Variants in PTPRT observed in about 807,000 individuals in gnomAD.
PTPRT encodes receptor-type tyrosine-protein phosphatase T.
PTPRT carries 56 observed loss-of-function variants against 176.8 expected under a neutral mutation model. That is an observed-to-expected ratio of 0.32 (90% CI 0.26 to 0.40). The LOEUF (loss-of-function observed/expected upper bound fraction) is 0.40. PTPRT is among the 10% of genes least tolerant of loss of function. PTPRT has a pLI of 1.00. For synonymous variants in PTPRT, 783 were observed against 739.0 expected, an observed-to-expected ratio of 1.06 and a Z score of -0.96; for missense variants, 1,540 against 1,908.2, an observed-to-expected ratio of 0.81 and a Z score of 3.60.
intron 17 of PTPRT, among the ~76,000 whole-genome samples, chr20:42,155,076 A>C (rs1989295096): frequency 6.6e-6 from 1 of 152,182 alleles, no homozygotes; most frequent in Non-Finnish European, 1.5e-5. Context: ...GTATATTCAC[A>C]TCAACCGGAG....
At chr20:42,327,539 G>A (rs1836645934) in intron 11 of PTPRT, among the ~76,000 whole-genome samples, 1 of 151,910 alleles carries the variant, frequency 6.6e-6, no homozygotes, top group South Asian at 2.1e-4. Flanking sequence ...TAAAGGTTTT[G>A]AAGCGTCATG....
chr20:42,451,635 C>T (rs1041714138), intron 8 of PTPRT, among the ~76,000 whole-genome samples: 4 of 152,136 alleles, frequency 2.6e-5, no homozygotes, highest in African/African-American at 9.7e-5. Flanking sequence ...GGTAAGCCGT[C>T]ATTGTAGCAT....
intron 1 of PTPRT, among the ~76,000 whole-genome samples, chr20:42,908,868 G>A (rs1305384227): frequency 6.6e-6 from 1 of 152,138 alleles, no homozygotes. Context: ...TATACACAAG[G>A]AAATACAGGA....
chr20:42,245,726 G>A (rs964636586), intron 14 of PTPRT, among the ~76,000 whole-genome samples: 13 of 152,200 alleles, frequency 8.5e-5, no homozygotes, highest in African/African-American at 2.7e-4. Flanking sequence ...TGGCAAGGAA[G>A]CTCTAAAGTC....
intron 5 of PTPRT, among the ~76,000 whole-genome samples, chr20:42,766,394 C>A (rs1468343127): frequency 2.0e-5 from 3 of 152,204 alleles, no homozygotes; most frequent in Non-Finnish European, 4.4e-5. Flanking sequence ...TTCTATCATC[C>A]TTTTCCCTGA....
chr20:42,786,274 CAT>C (rs1258373918), intron 3 of PTPRT, among the ~76,000 whole-genome samples: 1 of 152,146 alleles, frequency 6.6e-6, no homozygotes, highest in African/African-American at 2.4e-5. Flanking sequence ...CATGATGATA[CAT>C]ATATGTTCTC....
At chr20:42,202,379 G>A (rs1370347606) in intron 15 of PTPRT, among the ~76,000 whole-genome samples, 1 of 152,112 alleles carries the variant, frequency 6.6e-6, no homozygotes, top group Non-Finnish European at 1.5e-5. Context: ...GGAAAGAAAG[G>A]CACTCAGGAA....
intron 11 of PTPRT, among the ~76,000 whole-genome samples, chr20:42,327,047 G>A (rs1312299050): frequency 6.6e-6 from 1 of 151,210 alleles, no homozygotes; most frequent in East Asian, 1.9e-4. Flanking sequence ...ATGGGTACTA[G>A]AGTATGAGTT....
At position 43,058,221 on chromosome 20, in the gene PTPRT, G is replaced by A. The variant is rs1987318566; in HGVS notation, c.88+131425C>T. On this transcript the variant is annotated intron_variant, in intron 1 of 30. Coordinates refer to ENST00000373187, the MANE Select transcript of PTPRT (RefSeq NM_007050.6). Reference sequence around the variant, plus strand: ...CTTACATAATAAAAAAAGTAAGAGGGGAGGAAAAAAAGAGCAGACACAGAG... The same window carrying A: ...CTTACATAATAAAAAAAGTAAGAGGAGAGGAAAAAAAGAGCAGACACAGAG... Among the ~76,000 whole-genome samples, 6 of 152,034 alleles carry A rather than the reference G, an allele frequency of 3.9e-5. No homozygotes were observed. In the South Asian group the frequency reaches 1.2e-3, roughly 32 times the overall value.
At chr20:42,561,861 T>A (rs2072957199) in intron 7 of PTPRT, among the ~76,000 whole-genome samples, 1 of 152,234 alleles carries the variant, frequency 6.6e-6, no homozygotes, top group Non-Finnish European at 1.5e-5. Flanking sequence ...GACTGCTGCC[T>A]CATTGACTGT....
intron 7 of PTPRT, among the ~76,000 whole-genome samples, chr20:42,651,762 T>C (rs188538286): frequency 1.4e-4 from 21 of 152,098 alleles, no homozygotes; most frequent in Non-Finnish European, 2.4e-4. Context: ...AAAGGGATAA[T>C]ATGGCCAGGC....
intron 16 of PTPRT, among the ~76,000 whole-genome samples, chr20:42,175,500 G>T (rs1351287232): frequency 6.6e-6 from 1 of 152,194 alleles, no homozygotes; most frequent in East Asian, 1.9e-4. Context: ...TGGTATGAAT[G>T]AATGGTGGTT....
chr20:43,086,787 T>C (rs2011617155), intron 1 of PTPRT, among the ~76,000 whole-genome samples: 1 of 152,178 alleles, frequency 6.6e-6, no homozygotes, highest in African/African-American at 2.4e-5. Flanking sequence ...AATCCTACTG[T>C]TATAACCGGG....
At chr20:42,725,189 G>A (rs766517433) in intron 6 of PTPRT, among the ~76,000 whole-genome samples, 5 of 151,826 alleles carry the variant, frequency 3.3e-5, no homozygotes, top group Admixed American at 1.3e-4. Flanking sequence ...CACCACGCCC[G>A]GCTAATTTTG....
chr20:43,150,440 G>A (rs904597412), intron 1 of PTPRT, among the ~76,000 whole-genome samples: 1 of 152,060 alleles, frequency 6.6e-6, no homozygotes, highest in African/African-American at 2.4e-5. Context: ...CGGTTGTCAC[G>A]ACTTCCACAG....
chr20:42,724,246 G>GA (rs924345737), intron 6 of PTPRT, among the ~76,000 whole-genome samples: 33 of 152,174 alleles, frequency 2.2e-4, no homozygotes, highest in African/African-American at 7.5e-4. Flanking sequence ...ACATAACAAT[G>GA]AAAATGCATC....
intron 1 of PTPRT, among the ~76,000 whole-genome samples, chr20:43,083,349 T>TATACATATATAC (rs2011508263): frequency 2.6e-5 from 3 of 117,402 alleles, no homozygotes; most frequent in African/African-American, 1.0e-4. Context: ...TATATATATA[T>TATACATATATAC]ATATATATAT....
chr20:42,636,416 C>G (rs559156931), intron 7 of PTPRT, among the ~76,000 whole-genome samples: 1 of 152,152 alleles, frequency 6.6e-6, no homozygotes, highest in South Asian at 2.1e-4. Flanking sequence ...TAAAACTGTT[C>G]AAGGGAGAAG....
intron 1 of PTPRT, among the ~76,000 whole-genome samples, chr20:43,164,357 T>C (rs2014796915): frequency 6.6e-6 from 1 of 152,226 alleles, no homozygotes. Context: ...CTTTAAGTGC[T>C]TTCTCCCCAT....
Sources: allele counts gnomAD v4.1 joint callset (sites outside exome capture counted in the v4.1 genomes callset), GRCh38; gene constraint gnomAD v4.1.1; transcripts MANE v1.5; gene names NCBI Gene and HGNC (gene_info 2026-07-23, HGNC 2026-07-21).